TLE4: variants seen among roughly 807,000 people sequenced by gnomAD.
The protein encoded by TLE4 is TLE family member 4, transcriptional corepressor.
A neutral mutation model predicts 92.8 loss-of-function variants in TLE4; 8 were observed. The observed-to-expected ratio is 0.09, with a 90% confidence interval of 0.05 to 0.16. The LOEUF (loss-of-function observed/expected upper bound fraction) is 0.16. TLE4 is among the 10% of genes least tolerant of loss of function. The pLI is 1.00. For missense variants in TLE4, 675 were observed against 997.6 expected, an observed-to-expected ratio of 0.68 and a Z score of 4.36; for synonymous variants, 371 against 374.1, an observed-to-expected ratio of 0.99 and a Z score of 0.10.
chr9:79,597,971 G>A (rs745423785), intron 4 of TLE4, among the ~76,000 whole-genome samples: 3 of 151,368 alleles, frequency 2.0e-5, no homozygotes, highest in Admixed American at 6.6e-5. Context: ...GGTGGCTCAC[G>A]CCTGTAATCC....
chr9:79,600,671 G>A (rs966492832), intron 4 of TLE4, among the ~76,000 whole-genome samples: 1 of 152,168 alleles, frequency 6.6e-6, no homozygotes, highest in African/African-American at 2.4e-5. Context: ...AGCAACTCTT[G>A]GACCTTGTTC....
intron 8 of TLE4, among the ~76,000 whole-genome samples, chr9:79,660,845 G>A (rs1010762892): frequency 2.6e-5 from 4 of 152,130 alleles, no homozygotes; most frequent in African/African-American, 7.2e-5. Context: ...TGAGTGACTC[G>A]GGGAGACACG....
At chr9:79,654,166 G>T in intron 8 of TLE4, 91 bp downstream of exon 8, 1 of 1,352,598 alleles carries the variant, frequency 7.4e-7, no homozygotes, top group South Asian at 1.2e-5. Flanking sequence ...GAGATTTAGA[G>T]AATGATTTCA....
At chr9:79,592,092 TTTCTTCTTC>T (rs557969723) in intron 4 of TLE4, among the ~76,000 whole-genome samples, 1 of 151,050 alleles carries the variant, frequency 6.6e-6, no homozygotes, top group South Asian at 2.1e-4. Context: ...TGGAAGAGAG[TTTCTTCTTC>T]TTCTTCTTCT....
chr9:79,717,592 A>G (rs2074784746), intron 14 of TLE4, among the ~76,000 whole-genome samples: 1 of 152,180 alleles, frequency 6.6e-6, no homozygotes, highest in Non-Finnish European at 1.5e-5. Context: ...ACCATTCAAT[A>G]ATGGACTGAA....
chr9:79,583,949 C>A (rs765327267), intron 4 of TLE4, among the ~76,000 whole-genome samples: 2 of 152,154 alleles, frequency 1.3e-5, no homozygotes, highest in Admixed American at 6.5e-5. Flanking sequence ...CAGTGTCATT[C>A]TACTGGCCTC....
chr9:79,617,497 T>C (rs943072829), intron 5 of TLE4, among the ~76,000 whole-genome samples: 7 of 152,168 alleles, frequency 4.6e-5, no homozygotes, highest in African/African-American at 7.2e-5. Context: ...TATTACGTTA[T>C]AGTTGAAAAT....
At chr9:79,621,336 A>G (rs1340813411) in intron 5 of TLE4, among the ~76,000 whole-genome samples, 1 of 152,208 alleles carries the variant, frequency 6.6e-6, no homozygotes, top group Non-Finnish European at 1.5e-5. Context: ...AGCCCATGAC[A>G]CAGAGAAATT....
intron 8 of TLE4, among the ~76,000 whole-genome samples, chr9:79,690,609 GCTT>G (rs995427304): frequency 2.0e-5 from 3 of 151,212 alleles, no homozygotes; most frequent in African/African-American, 7.3e-5. Context: ...TAAGACTCCT[GCTT>G]CTTTTTTTTT....
chr9:79,665,704 A>G (rs543233226), intron 8 of TLE4, among the ~76,000 whole-genome samples: 29 of 152,346 alleles, frequency 1.9e-4, no homozygotes, highest in Non-Finnish European at 3.2e-4. Context: ...CGGCAAAACA[A>G]TTGAACTACA....
intron 8 of TLE4, among the ~76,000 whole-genome samples, chr9:79,665,187 T>TA (rs949054245): frequency 6.6e-6 from 1 of 152,214 alleles, no homozygotes; most frequent in African/African-American, 2.4e-5. Flanking sequence ...TGTTTTTTGT[T>TA]AGACAACTGA....
intron 6 of TLE4, among the ~76,000 whole-genome samples, chr9:79,650,273 G>A (rs781652175): frequency 2.0e-5 from 3 of 152,098 alleles, no homozygotes; most frequent in Non-Finnish European, 4.4e-5. Flanking sequence ...AAGATAATGT[G>A]TGAATATTTC....
At chr9:79,616,317 A>G (rs1333046455) in intron 5 of TLE4, among the ~76,000 whole-genome samples, 1 of 152,082 alleles carries the variant, frequency 6.6e-6, no homozygotes, top group East Asian at 1.9e-4. Flanking sequence ...CAGTTTCCTC[A>G]TCTGTATGAT....
At chr9:79,631,871 A>G (rs1338988599) in intron 6 of TLE4, among the ~76,000 whole-genome samples, 1 of 146,484 alleles carries the variant, frequency 6.8e-6, no homozygotes, top group African/African-American at 2.5e-5. Context: ...GGTATATATA[A>G]AAATGTGTGT....
intron 7 of TLE4, among the ~76,000 whole-genome samples, 185 bp from the exon 8 acceptor site, chr9:79,653,874 A>T (rs1486277186): frequency 6.6e-6 from 1 of 152,232 alleles, no homozygotes; most frequent in African/African-American, 2.4e-5. Context: ...GTAGATTGGT[A>T]CTTTATGAAT....
intron 5 of TLE4, among the ~76,000 whole-genome samples, chr9:79,627,130 A>C (rs1037440031): frequency 6.6e-6 from 1 of 152,040 alleles, no homozygotes; most frequent in African/African-American, 2.4e-5. Context: ...GTTGTAAAGG[A>C]GCATTCTTCA....
rs747570056 is a variant in TLE4 at position 79,706,733 on chromosome 9, A to G, written c.784-14A>G. ...TGCTGTGCTTGCATTACTGTCCACG[A>G]TGTTCCTTTGTAGGATCCATCTTCC... On this transcript the variant is annotated splice_polypyrimidine_tract_variant and intron_variant, in intron 10 of 19. Coordinates refer to ENST00000376552, the MANE Select transcript of TLE4 (RefSeq NM_007005.6). 8 of 1,611,028 alleles carry G rather than the reference A, an allele frequency of 5.0e-6. No homozygotes were observed. In the East Asian group the frequency reaches 8.9e-5, roughly 18 times the overall value.
At chr9:79,653,342 C>T (rs777095249) in intron 7 of TLE4, among the ~76,000 whole-genome samples, 3 of 152,190 alleles carry the variant, frequency 2.0e-5, no homozygotes, top group Non-Finnish European at 2.9e-5. Context: ...TGTTTAGAAG[C>T]ATGAAATTAA....
At chr9:79,576,222 G>A (rs535229733) in intron 4 of TLE4, 45 bp downstream of exon 4, 17 of 1,351,262 alleles carry the variant, frequency 1.3e-5, no homozygotes, top group Non-Finnish European at 1.5e-5. Flanking sequence ...GTAATACTGG[G>A]ACACTATGAA....
Sources: gnomAD v4.1 joint callset for allele counts (sites outside exome capture counted in the v4.1 genomes callset) on GRCh38, gnomAD v4.1.1 for gene constraint, MANE v1.5 for transcripts, NCBI Gene and HGNC (gene_info 2026-07-23, HGNC 2026-07-21) for gene names.